The following FSTL5 variants were observed in gnomAD, a reference collection of about 807,000 sequenced individuals.
FSTL5 encodes follistatin like 5.
A neutral mutation model predicts 89.1 loss-of-function variants in FSTL5; 62 were observed. The observed-to-expected ratio is 0.70, with a 90% CI of 0.57 to 0.86. FSTL5 has a LOEUF of 0.86. Among genes scored for constraint, FSTL5 ranks in the 40% least tolerant of loss-of-function variants. FSTL5 has a pLI of 0.00. For missense variants in FSTL5, 1,057 were observed against 1,001.6 expected, an observed-to-expected ratio of 1.06 and a Z score of -0.75; for synonymous variants, 383 against 346.2, an observed-to-expected ratio of 1.11 and a Z score of -1.18.
intron 12 of FSTL5, among the ~76,000 whole-genome samples, chr4:161,490,615 C>G (rs938564296): frequency 2.0e-5 from 3 of 151,996 alleles, no homozygotes; most frequent in African/African-American, 7.2e-5. Flanking sequence ...TATTGTCTAG[C>G]ACAGAAGTGC....
At chr4:161,969,575 A>C (rs538372237) in intron 3 of FSTL5, among the ~76,000 whole-genome samples, 1 of 152,288 alleles carries the variant, frequency 6.6e-6, no homozygotes, top group South Asian at 2.1e-4. Flanking sequence ...GAAAAAAAAT[A>C]CAGTGATACA....
chr4:161,386,526 G>A (rs76223014), intron 15 of FSTL5, 77 bp from the exon 16 acceptor site: 32,845 of 974,924 alleles, frequency 0.034, 718 homozygotes, highest in South Asian at 0.045. Flanking sequence ...GATACAGGTG[G>A]AAAGGTCCAT....
chr4:162,066,355 C>CTTCTTCTTCTTCTTCTTGTTCTT lies in FSTL5; in HGVS notation c.127-32698_127-32697insAAGAACAAGAAGAAGAAGAAGAA, dbSNP rs1553996329. The stretch of plus-strand genomic sequence containing the variant: ...TTCTTCTTCTTCTTCTTCTTCTTCT[C>CTTCTTCTTCTTCTTCTTGTTCTT]CTTCTTCTTCTTCTTCTCCTTCTTC... On this transcript the variant is annotated intron_variant, in intron 2 of 15. Transcript: ENST00000306100. Among the ~76,000 whole-genome samples the CTTCTTCTTCTTCTTCTTGTTCTT allele has an allele frequency of 2.0e-4, 12 of 61,164 alleles. 1 individual carries two copies. Among genetic ancestry groups the CTTCTTCTTCTTCTTCTTGTTCTT allele is most frequent in the African/African-American group, 7.3e-4 (12 of 16,338 alleles). The allele number at this position is 61,164 out of a possible 152,430, so 40.1% of individuals were successfully genotyped here.
intron 4 of FSTL5, among the ~76,000 whole-genome samples, chr4:161,819,711 T>C (rs942411207): frequency 2.0e-5 from 3 of 152,092 alleles, no homozygotes; most frequent in Non-Finnish European, 4.4e-5. Context: ...AATCAGCTGA[T>C]TATTTAAAAA....
intron 2 of FSTL5, among the ~76,000 whole-genome samples, chr4:162,069,006 A>G (rs10212700): frequency 0.89 from 134,759 of 152,026 alleles, 59,728 homozygotes; most frequent in East Asian, 0.92. Context: ...ATCATCTCAC[A>G]CCACTCAGAA....
chr4:161,766,230 C>T (rs1740994311), intron 5 of FSTL5, among the ~76,000 whole-genome samples: 1 of 152,160 alleles, frequency 6.6e-6, no homozygotes, highest in Non-Finnish European at 1.5e-5. Flanking sequence ...CACTTAAATT[C>T]TATGAGTGTT....
At chr4:161,858,901 T>C (rs1399905347) in intron 4 of FSTL5, among the ~76,000 whole-genome samples, 2 of 152,184 alleles carry the variant, frequency 1.3e-5, no homozygotes, top group Non-Finnish European at 2.9e-5. Flanking sequence ...TCTCTGTGCC[T>C]GTGGGAATAG....
chr4:161,662,193 A>G (rs1014723458), intron 6 of FSTL5, among the ~76,000 whole-genome samples: 1 of 152,190 alleles, frequency 6.6e-6, no homozygotes, highest in African/African-American at 2.4e-5. Flanking sequence ...AGATGTCTTA[A>G]ACAAAATCTC....
At chr4:161,910,688 A>G (rs1476801447) in intron 4 of FSTL5, among the ~76,000 whole-genome samples, 3 of 152,008 alleles carry the variant, frequency 2.0e-5, no homozygotes, top group Non-Finnish European at 4.4e-5. Context: ...CATCATCTCT[A>G]TATCTCTTTT....
chr4:162,146,888 T>A (rs1379914521), intron 1 of FSTL5, among the ~76,000 whole-genome samples: 3 of 151,984 alleles, frequency 2.0e-5, no homozygotes, highest in Non-Finnish European at 4.4e-5. Flanking sequence ...TTTGAGTGAT[T>A]CTCCTGCCTC....
chr4:161,971,326 A>T lies in FSTL5; in HGVS notation c.161-50674T>A, dbSNP rs186065570. Among the ~76,000 whole-genome samples, 63 of 152,272 alleles carry T rather than the reference A, an allele frequency of 4.1e-4. 2 individuals are homozygous for T. The East Asian group carries it at 0.011, about 27-fold the overall frequency. ...GAATTTTTATATGGTTCTACTTTAA[A>T]ATATCAGAAATTTATGTTACAAATC... On this transcript the variant is annotated intron_variant, in intron 3 of 15. Transcript: ENST00000306100.
chr4:161,708,060 T>C (rs944410540), intron 6 of FSTL5, among the ~76,000 whole-genome samples: 3 of 152,026 alleles, frequency 2.0e-5, no homozygotes, highest in Non-Finnish European at 4.4e-5. Flanking sequence ...TATGGAATTT[T>C]ATATGCAATG....
At chr4:161,421,675 G>A (rs1398578635) in intron 15 of FSTL5, among the ~76,000 whole-genome samples, 1 of 152,204 alleles carries the variant, frequency 6.6e-6, no homozygotes, top group African/African-American at 2.4e-5. Context: ...TGAATTGGTG[G>A]ACTGGATGAG....
chr4:161,634,249 C>A (rs1323621900), intron 7 of FSTL5, among the ~76,000 whole-genome samples: 3 of 152,144 alleles, frequency 2.0e-5, no homozygotes, highest in East Asian at 3.9e-4. Context: ...ACAAAACTTT[C>A]AAGTATCAAG....
intron 6 of FSTL5, among the ~76,000 whole-genome samples, chr4:161,678,757 G>A (rs928585140): frequency 1.3e-5 from 2 of 151,746 alleles, no homozygotes; most frequent in Admixed American, 1.3e-4. Flanking sequence ...AAAGAAAGAA[G>A]TTGAAGAGTA....
intron 7 of FSTL5, among the ~76,000 whole-genome samples, chr4:161,627,064 C>T (rs937239549): frequency 4.6e-5 from 7 of 152,120 alleles, no homozygotes; most frequent in Admixed American, 1.3e-4. Flanking sequence ...ATTATGTAAA[C>T]TTAGTTGATA....
At position 161,845,410 on chromosome 4, in the gene FSTL5, C is replaced by T. The variant is rs116146732; in HGVS notation, c.410-69336G>A. 6.6e-4 allele frequency among the ~76,000 whole-genome samples: 100 copies of T among 152,252 alleles called. 1 individual carries two copies. Among genetic ancestry groups the T allele is most frequent in the African/African-American group, 2.2e-3 (91 of 41,554 alleles). The stretch of plus-strand genomic sequence containing the variant: ...AGTACTTGGGAGCTGCCTTCAGAAC[C>T]AGTTTACAACCACACTGGAAAATCC... On this transcript the variant is annotated intron_variant, in intron 4 of 15. Coordinates refer to ENST00000306100, the MANE Select transcript of FSTL5 (RefSeq NM_020116.5).
At position 162,067,900 on chromosome 4, in the gene FSTL5, C is replaced by G. The variant is rs184992360; in HGVS notation, c.127-34242G>C. On this transcript the variant is annotated intron_variant, in intron 2 of 15. Transcript: ENST00000306100. ...GAAAATTGCAAGCATTCCTATACACCAACAATAGACAAGCAGAGAGCCAAA... is the reference window on the plus strand; with the variant it reads ...GAAAATTGCAAGCATTCCTATACACGAACAATAGACAAGCAGAGAGCCAAA... 2.8e-3 allele frequency among the ~76,000 whole-genome samples: 426 copies of G among 151,922 alleles called. 2 individuals are homozygous for G. The highest frequency in any genetic ancestry group is 4.2e-3 in the Non-Finnish European group (287 of 67,966).
In FSTL5 at chr4:162,040,053, C is replaced by T. The variant is rs79326670; in HGVS notation, c.127-6395G>A. On this transcript the variant is annotated intron_variant, in intron 2 of 15. Transcript: ENST00000306100. ...AAATATAAATTTTGTGGGAAATATA[C>T]ATAGAGGTAAACCTTACTAATTTTA... Among the ~76,000 whole-genome samples, 1,219 of 152,080 alleles carry T rather than the reference C, an allele frequency of 8.0e-3. 15 individuals carry two copies. The highest frequency in any genetic ancestry group is 0.028 in the African/African-American group (1,164 of 41,530).
Sources: gnomAD v4.1 joint callset for allele counts (sites outside exome capture counted in the v4.1 genomes callset) on GRCh38, gnomAD v4.1.1 for gene constraint, MANE v1.5 for transcripts, NCBI Gene and HGNC (gene_info 2026-07-23, HGNC 2026-07-21) for gene names.